Variants in PIGT observed in about 807,000 individuals in gnomAD.
The protein encoded by PIGT is GPI-anchor transamidase component PIGT.
In PIGT, 57 loss-of-function variants were observed where a neutral mutation model predicts 66.7. The ratio of observed to expected loss-of-function variants is 0.86; its 90% CI spans 0.69 to 1.07. PIGT has a LOEUF of 1.07. Ranked by LOEUF, PIGT falls within the 50% of genes least tolerant of loss-of-function variation. The pLI, the probability that PIGT is intolerant of heterozygous loss-of-function variation, is 0.00. For synonymous variants in PIGT, 362 were observed against 320.5 expected (o/e 1.13, Z -1.38); for missense variants, 725 against 740.4 (o/e 0.98, Z 0.24).
In PIGT at chr20:45,416,203, G is replaced by A. The variant is rs752586162; in HGVS notation, c.47G>A (p.Gly16Glu). Residue 16 changes from glycine to glutamate, a missense_variant, in exon 1 of 12, where the codon GGG (glycine) becomes GAG (glutamate). Gly to Glu is a moderately conservative substitution (Grantham distance 98). This residue lies in a region of PIGT where 559 missense variants were observed against 552.7 expected (regional missense o/e 1.01). Coordinates refer to ENST00000279036, the MANE Select transcript of PIGT (RefSeq NM_015937.6). ...PLALLVLLLL[G>E]PGGWCLAEPP... is the part of the protein sequence containing the mutation. ...GCTCTGCTCGTCCTGTTGCTCCTGGGGCCCGGCGGCTGGTGCCTTGCAGAA... is the reference window on the plus strand; with the variant it reads ...GCTCTGCTCGTCCTGTTGCTCCTGGAGCCCGGCGGCTGGTGCCTTGCAGAA... 1.9e-6 allele frequency: 3 copies of A among 1,591,668 alleles called. No individual in the cohort carries two copies. The highest frequency in any genetic ancestry group is 1.7e-6 in the Non-Finnish European group (2 of 1,170,058).
chr20:45,424,292 C>T lies in PIGT; in HGVS notation c.1311C>T (p.Asn437=). The change falls in exon 10 of 12, where the codon AAC becomes AAT. Residue 437 remains asparagine (N), a synonymous_variant. Transcript: ENST00000279036. ...AGATGCTGATTCAGCTGCCGGCCAACTCAGTCACCAAGGTTTCCATCCAGT... is the reference window on the plus strand; with the variant it reads ...AGATGCTGATTCAGCTGCCGGCCAATTCAGTCACCAAGGTTTCCATCCAGT... ...LLEMLIQLPA[N]SVTKVSIQFE... is the part of the protein sequence containing the mutation. 1 of 1,614,186 alleles carries T rather than the reference C, an allele frequency of 6.2e-7. No homozygotes were observed. The highest frequency in any genetic ancestry group is 2.2e-5 in the East Asian group (1 of 44,886).
At position 45,416,534 on chromosome 20, in the gene PIGT, T is replaced by C. The variant is rs1451889949; in HGVS notation, c.205T>C (p.Phe69Leu). The C allele has an allele frequency of 6.2e-7, 1 of 1,614,134 alleles. No homozygotes were observed. The change falls in exon 2 of 12, where the codon TTT (phenylalanine) becomes CTT (leucine). Residue 69 changes from phenylalanine (F) to leucine (L), a missense_variant. By Grantham distance (22) the Phe-to-Leu change is conservative. This residue lies in a region of PIGT where 559 missense variants were observed against 552.7 expected (regional missense o/e 1.01). Transcript: ENST00000279036. Reference sequence around the variant, plus strand: ...TTCCCCAGTGTCCCATTACAGGCTCTTTCCCAAAGCCCTGGGGCAGCTGAT... The same window carrying C: ...TTCCCCAGTGTCCCATTACAGGCTCCTTCCCAAAGCCCTGGGGCAGCTGAT... ...QREGVSHYRL[F>L]PKALGQLISK...
Position 45,425,503 on chromosome 20 carries a change from G to A in PIGT, c.1485-71G>A, listed in dbSNP as rs757592923. 16 of 1,548,090 alleles carry A rather than the reference G, an allele frequency of 1.0e-5. No individual in the cohort carries two copies. The East Asian group carries it at 3.6e-4, about 35-fold the overall frequency. On this transcript the variant is annotated intron_variant, in intron 11 of 11. Coordinates refer to ENST00000279036, the MANE Select transcript of PIGT (RefSeq NM_015937.6). The stretch of plus-strand genomic sequence containing the variant: ...ACACTGTGTTGCATTGCCCAATACT[G>A]CCGGAATGAGGATGGGGTGAGATGG...
At position 45,418,948 on chromosome 20, in the gene PIGT, T is replaced by G; in HGVS notation, c.462T>G (p.Thr154=). 1 of 1,614,122 alleles carries G rather than the reference T, an allele frequency of 6.2e-7. No individual in the cohort carries two copies. Among genetic ancestry groups the G allele is most frequent in the Non-Finnish European group, 8.5e-7 (1 of 1,179,986 alleles). ...FIDSTNTVTP[T]ASFKPLGLAN... Reference sequence around the variant, plus strand: ...ACTCCACCAACACAGTCACTCCCACTGCCTCCTTCAAACCCCTGGGTCTGG... The same window carrying G: ...ACTCCACCAACACAGTCACTCCCACGGCCTCCTTCAAACCCCTGGGTCTGG... The change falls in exon 3 of 12, where the codon ACT becomes ACG. Residue 154 remains threonine, a synonymous_variant. Transcript: ENST00000279036.
chr20:45,418,891 A>G lies in PIGT; in HGVS notation c.405A>G (p.Ser135=). The G allele has an allele frequency of 6.2e-7, 1 of 1,613,986 alleles. No homozygotes were observed. Among genetic ancestry groups the G allele is most frequent in the South Asian group, 1.1e-5 (1 of 91,072 alleles). Residue 135 remains serine (S), a synonymous_variant, in exon 3 of 12, where the codon TCA becomes TCG. Transcript: ENST00000279036. ...GGAAGGAGCTCAGTAATGTCCTCTC[A>G]GGGATCTTCTGCGCCTCTCTCAACT... The part of the protein sequence containing the change: ...KSWKELSNVL[S]GIFCASLNFI...
In PIGT at chr20:45,425,748, C is replaced by A; in HGVS notation, c.1659C>A (p.Ile553=). 6.2e-7 allele frequency: 1 copy of A among 1,614,092 alleles called. No individual in the cohort carries two copies. The highest frequency in any genetic ancestry group is 8.5e-7 in the Non-Finnish European group (1 of 1,179,934). Residue 553 remains isoleucine (I), a synonymous_variant, in exon 12 of 12, where the codon ATC becomes ATA. Transcript: ENST00000279036. The part of the protein sequence containing the change: ...FYNLLTRTFH[I]EEPRTGGLAK... ...ATCTCCTCACCCGAACCTTCCACATCGAGGAGCCCCGCACAGGTGGCCTGG... is the reference window on the plus strand; with the variant it reads ...ATCTCCTCACCCGAACCTTCCACATAGAGGAGCCCCGCACAGGTGGCCTGG...
intron 11 of PIGT, 36 bp from the exon 12 acceptor site, chr20:45,425,538 G>T (rs2743282): frequency 6.2e-7 from 1 of 1,602,514 alleles, no homozygotes; most frequent in Non-Finnish European, 8.5e-7. Flanking sequence ...GGGAGGAGCA[G>T]CCAGTCCTGT....
chr20:45,424,350 A>G lies in PIGT; in HGVS notation c.1369A>G (p.Thr457Ala). 1 of 1,614,154 alleles carries G rather than the reference A, an allele frequency of 6.2e-7. No homozygotes were observed. The highest frequency in any genetic ancestry group is 8.5e-7 in the Non-Finnish European group (1 of 1,180,030). ...GGCGCTGCTGAAGTGGACCGAGTAC[A>G]CGCCAGATCCTAACCATGGCTTCTA... ...ERALLKWTEY[T>A]PDPNHGFYVS... Residue 457 changes from threonine to alanine, a missense_variant, in exon 10 of 12, where the codon ACG becomes GCG. Coordinates refer to ENST00000279036, the MANE Select transcript of PIGT (RefSeq NM_015937.6).
At chr20:45,425,549 C>A (rs1230857533) in intron 11 of PIGT, 25 bp from the exon 12 acceptor site, 1 of 1,608,276 alleles carries the variant, frequency 6.2e-7, no homozygotes, top group Admixed American at 1.7e-5. Context: ...CCAGTCCTGT[C>A]TCACCGCTCT....
At chr20:45,418,345 A>G (rs1990120517) in intron 2 of PIGT, 1 of 205,016 alleles carries the variant, frequency 4.9e-6, no homozygotes, top group Non-Finnish European at 1.0e-5. Flanking sequence ...AAGTACATAG[A>G]TGACCCAGAC....
rs745356778 is a variant in PIGT at position 45,424,272 on chromosome 20, C to G, written c.1291C>G (p.Leu431Val). ...GCTGCAACCCCACCTCCTGGAGATG[C>G]TGATTCAGCTGCCGGCCAACTCAGT... ...DRLQPHLLEM[L>V]IQLPANSVTK... The change falls in exon 10 of 12, where the codon CTG becomes GTG. Residue 431 changes from leucine (L) to valine (V), a missense_variant. Physicochemically the swap from Leu to Val is conservative, Grantham distance 32. This residue lies in a region of PIGT where 559 missense variants were observed against 552.7 expected (regional missense o/e 1.01). Transcript: ENST00000279036. 1 of 1,614,172 alleles carries G rather than the reference C, an allele frequency of 6.2e-7. No individual in the cohort carries two copies.
chr20:45,418,686 C>A, intron 2 of PIGT, 166 bp from the exon 3 acceptor site: 1 of 747,900 alleles, frequency 1.3e-6, no homozygotes, highest in Non-Finnish European at 2.3e-6. Flanking sequence ...TGAGACCCAG[C>A]AAGTGGGCTG....
chr20:45,417,045 C>A (rs772659371), intron 2 of PIGT: 38 of 177,816 alleles, frequency 2.1e-4, no homozygotes, highest in Non-Finnish European at 3.4e-4. Flanking sequence ...CATAACATAT[C>A]TGTGGGTTAC....
chr20:45,419,425 C>T lies in PIGT; in HGVS notation c.594+30C>T, dbSNP rs200144107. 11 of 1,602,614 alleles carry T rather than the reference C, an allele frequency of 6.9e-6. No homozygotes were observed. In the Admixed American group the frequency reaches 1.0e-4, roughly 15 times the overall value. On this transcript the variant is annotated intron_variant, in intron 4 of 11. Transcript: ENST00000279036. ...GGCCGCAGAGCCTGGCAGCCGGGGG[C>T]GGGGGGTGTATAGAGAACCTGCGCC... is the stretch of plus-strand genomic sequence containing the variant.
chr20:45,421,646 C>A, intron 9 of PIGT, 63 bp downstream of exon 9: 1 of 1,361,744 alleles, frequency 7.3e-7, no homozygotes, highest in Non-Finnish European at 1.0e-6. Flanking sequence ...CCAGGTCCCC[C>A]AAACTCTCAT....
intron 9 of PIGT, chr20:45,423,280 G>C (rs943119945): frequency 6.6e-6 from 1 of 151,502 alleles, no homozygotes; most frequent in Non-Finnish European, 1.5e-5. Context: ...TAGCCAGGGT[G>C]GTCTCGATCT....
At position 45,418,931 on chromosome 20, in the gene PIGT, AAC is replaced by A; in HGVS notation, c.449_450del (p.Thr150SerfsTer15). On this transcript the variant is annotated frameshift_variant, in exon 3 of 12. Coordinates refer to ENST00000279036, the MANE Select transcript of PIGT (RefSeq NM_015937.6). LOFTEE classifies it high-confidence loss of function. ...CTCTCTCAACTTCATCGACTCCACC[AAC>A]ACAGTCACTCCCACTGCCTCCTTCA... is the stretch of plus-strand genomic sequence containing the variant. ...CASLNFIDSTNTVTPTASFKP... is the reference protein window; with the variant it reads ...CASLNFIDSTXTVTPTASFKP... 6.2e-7 allele frequency: 1 copy of A among 1,614,090 alleles called. No individual in the cohort carries two copies. The highest frequency in any genetic ancestry group is 8.5e-7 in the Non-Finnish European group (1 of 1,179,976).
rs1990577290 is a variant in PIGT at position 45,424,369 on chromosome 20, G to A, written c.1388G>A (p.Gly463Asp). The change falls in exon 10 of 12, where the codon GGC (glycine) becomes GAC (aspartate). Residue 463 changes from glycine to aspartate, a missense_variant. Transcript: ENST00000279036. ...GAGTACACGCCAGATCCTAACCATGGCTTCTATGTCAGGTGGGCTCCACCC... is the reference window on the plus strand; with the variant it reads ...GAGTACACGCCAGATCCTAACCATGACTTCTATGTCAGGTGGGCTCCACCC... ...WTEYTPDPNH[G>D]FYVSPSVLSA... is the part of the protein sequence containing the mutation. The A allele has an allele frequency of 6.2e-7, 1 of 1,614,094 alleles. No individual in the cohort carries two copies.
rs1568947912 is a variant in PIGT, at chr20:45,419,585, T to G, written c.676T>G (p.Cys226Gly). ...HSQAVHIRPV[C>G]RNARCTSISW... The stretch of plus-strand genomic sequence containing the variant: ...CCAGGCAGTGCATATCCGCCCTGTT[T>G]GCAGAGTAAGTCATGGGGAGTAGAG... Residue 226 changes from cysteine to glycine, a missense_variant, in exon 5 of 12, where the codon TGC becomes GGC. Cys to Gly is a radical substitution (Grantham distance 159). Coordinates refer to ENST00000279036, the MANE Select transcript of PIGT (RefSeq NM_015937.6). 1 of 1,611,544 alleles carries G rather than the reference T, an allele frequency of 6.2e-7. No homozygotes were observed. The highest frequency in any genetic ancestry group is 2.2e-5 in the East Asian group (1 of 44,882).
Sources: allele counts gnomAD v4.1 joint callset, GRCh38; gene constraint gnomAD v4.1.1; regional missense constraint gnomAD v4.1.1; transcripts MANE v1.5; gene names NCBI Gene and HGNC (gene_info 2026-07-23, HGNC 2026-07-21).